Variants in TAF1A observed in about 807,000 individuals in gnomAD.
The protein encoded by TAF1A is TATA box-binding protein-associated factor RNA polymerase I subunit A.
TAF1A carries 42 observed loss-of-function variants against 61.6 expected under a neutral mutation model. The ratio of observed to expected loss-of-function variants is 0.68; its 90% CI spans 0.53 to 0.88. The LOEUF (loss-of-function observed/expected upper bound fraction) is 0.88, where lower values mean the gene tolerates loss of function less well. Ranked by LOEUF, TAF1A falls within the 40% of genes least tolerant of loss-of-function variation. The pLI, the probability that TAF1A is intolerant of heterozygous loss-of-function variation, is 0.00. For missense variants in TAF1A, 424 were observed against 518.7 expected (o/e 0.82, Z 1.77); for synonymous variants, 179 against 177.7 (o/e 1.01, Z -0.06).
At chr1:222,579,306 C>T (rs1486578258) in intron 4 of TAF1A, among the ~76,000 whole-genome samples, 1 of 152,164 alleles carries the variant, frequency 6.6e-6, no homozygotes, top group Non-Finnish European at 1.5e-5. Flanking sequence ...ATGTCTCAAT[C>T]TTTTTGGATA....
intron 5 of TAF1A, among the ~76,000 whole-genome samples, chr1:222,571,729 A>G (rs528999179): frequency 6.6e-6 from 1 of 152,298 alleles, no homozygotes; most frequent in East Asian, 1.9e-4. Context: ...TTTAAGACCT[A>G]AATGAATGAA....
In TAF1A at chr1:222,569,577, T is replaced by A. The variant is rs764880368; in HGVS notation, c.827A>T (p.His276Leu). Reference protein sequence around the residue: ...DEKFPSNPNAHIYLYNFLKRQ... With the variant: ...DEKFPSNPNALIYLYNFLKRQ... ...CTTTAGAAAGTTGTATAAGTAGATATGGGCATTTGGATTTGATGGAAACTT... is the reference window on the plus strand; with the variant it reads ...CTTTAGAAAGTTGTATAAGTAGATAAGGGCATTTGGATTTGATGGAAACTT... The change falls in exon 7 of 11, where the codon CAT becomes CTT. Residue 276 changes from histidine (H) to leucine (L), a missense_variant. His to Leu is a moderately conservative substitution (Grantham distance 99, BLOSUM62 -3). Transcript: ENST00000352967. The A allele has an allele frequency of 2.5e-6, 4 of 1,614,002 alleles. No individual in the cohort carries two copies. Among genetic ancestry groups the A allele is most frequent in the Non-Finnish European group, 3.4e-6 (4 of 1,179,982 alleles).
rs1451868411 is a variant in TAF1A at position 222,584,287 on chromosome 1, C to T, written c.132G>A (p.Gly44=). ...QTYVETVAIG[G]KRRKDFAQTT... The stretch of plus-strand genomic sequence containing the variant: ...TCTGAGCAAAATCCTTCCTCCTTTT[C>T]CCTCCAATGGCTATAAAAACGAAAA... Residue 44 remains glycine (G), a synonymous_variant, in exon 3 of 11, where the codon GGG becomes GGA. Transcript: ENST00000352967. 1 of 1,599,622 alleles carries T rather than the reference C, an allele frequency of 6.3e-7. No individual in the cohort carries two copies. Among genetic ancestry groups the T allele is most frequent in the Non-Finnish European group, 8.5e-7 (1 of 1,175,758 alleles).
chr1:222,557,868 AAG>A (rs1204971008), downstream of TAF1A: 8 of 149,692 alleles, frequency 5.3e-5, no homozygotes, highest in African/African-American at 1.7e-4. Context: ...TTTATACTGA[AAG>A]AGTCTTTTTG....
At chr1:222,557,227 A>G (rs529073187), downstream of TAF1A, among the ~76,000 whole-genome samples, 7 of 152,304 alleles carry the variant, frequency 4.6e-5, no homozygotes, top group South Asian at 1.4e-3. Context: ...CCAGCAGTAA[A>G]TGTAAAAGCC....
intron 8 of TAF1A, 124 bp downstream of exon 8, chr1:222,563,935 C>A: frequency 1.5e-6 from 1 of 648,080 alleles, no homozygotes; most frequent in Non-Finnish European, 2.8e-6. Flanking sequence ...AACAGATGGA[C>A]TCCAACAGAA....
chr1:222,558,811 C>A, intron 10 of TAF1A, 39 bp from the exon 11 acceptor site: 2 of 1,005,594 alleles, frequency 2.0e-6, no homozygotes, highest in Non-Finnish European at 2.9e-6. Flanking sequence ...TAATACTCAT[C>A]ACATTTTTCA....
intron 5 of TAF1A, among the ~76,000 whole-genome samples, chr1:222,573,943 T>C (rs1211971895): frequency 6.6e-6 from 1 of 151,374 alleles, no homozygotes; most frequent in African/African-American, 2.4e-5. Flanking sequence ...TTACATGCTA[T>C]AACATTAAAA....
chr1:222,561,303 A>C lies in TAF1A; in HGVS notation c.1240+61T>G, dbSNP rs989435949. On this transcript the variant is annotated intron_variant, in intron 10 of 10. Coordinates refer to ENST00000352967, the MANE Select transcript of TAF1A (RefSeq NM_005681.4). ...TAGGTAAGCTCTAAATGAAGGCCAT[A>C]CTTCATAATTTCAAAATCAGCCAAA... The C allele has an allele frequency of 4.6e-6, 7 of 1,518,548 alleles. 1 individual carries two copies. The Middle Eastern group carries it at 5.3e-4, about 115-fold the overall frequency. 94.1% of individuals were successfully genotyped at this position (1,518,548 alleles called of 1,614,324 possible).
At chr1:222,573,754 C>T (rs950918719) in intron 5 of TAF1A, among the ~76,000 whole-genome samples, 2 of 151,974 alleles carry the variant, frequency 1.3e-5, no homozygotes, top group African/African-American at 4.8e-5. Flanking sequence ...TAGGTATATA[C>T]CCAAGAGAAA....
At position 222,589,810 on chromosome 1, in the gene TAF1A, G is replaced by A. The variant is rs1447953145; in HGVS notation, c.-86C>T. 3 of 364,554 alleles carry A rather than the reference G, an allele frequency of 8.2e-6. No homozygotes were observed. The highest frequency in any genetic ancestry group is 1.5e-5 in the Non-Finnish European group (3 of 204,650). 22.6% of individuals were successfully genotyped at this position (364,554 alleles called of 1,614,324 possible). A position where few individuals can be genotyped will look rare whatever the true frequency, so the allele number is the denominator to read the frequency against. On this transcript the variant is annotated 5_prime_UTR_variant, in exon 1 of 11. Transcript: ENST00000352967. ...TGAAGAAATTCCCACCGGAAGACGA[G>A]TTAGGAGAGCTTTATATGAGCAGGC...
In TAF1A at chr1:222,588,550, C is replaced by T. The variant is rs1265442621; in HGVS notation, c.14G>A (p.Ser5Asn). The T allele has an allele frequency of 1.2e-6, 2 of 1,613,974 alleles. No homozygotes were observed. Among genetic ancestry groups the T allele is most frequent in the Non-Finnish European group, 1.7e-6 (2 of 1,179,942 alleles). ...TGTCACAGGCCCTTTTAATTCTTCACTGAAATCACTCATACCTATTACAAG... is the reference window on the plus strand; with the variant it reads ...TGTCACAGGCCCTTTTAATTCTTCATTGAAATCACTCATACCTATTACAAG... MSDF[S>N]EELKGPVTDD... Residue 5 changes from serine to asparagine, a missense_variant, in exon 2 of 11, where the codon AGT becomes AAT. Coordinates refer to ENST00000352967, the MANE Select transcript of TAF1A (RefSeq NM_005681.4).
chr1:222,577,093 C>G (rs1226773639), intron 5 of TAF1A, among the ~76,000 whole-genome samples: 1 of 151,672 alleles, frequency 6.6e-6, no homozygotes, highest in African/African-American at 2.4e-5. Context: ...CTTTACAACC[C>G]CAAGTCACCT....
rs1044951148 is a variant in TAF1A, at chr1:222,589,846, G to A, written c.-122C>T. ...TTTATATGAGCAGGCGCTAAACCTG[G>A]TTTAGGTATTTAGGCAGCGCGCGGC... On this transcript the variant is annotated 5_prime_UTR_variant, in exon 1 of 11. Coordinates refer to ENST00000352967, the MANE Select transcript of TAF1A (RefSeq NM_005681.4). 2.6e-6 allele frequency: 1 copy of A among 390,002 alleles called. No homozygotes were observed. The highest frequency in any genetic ancestry group is 4.5e-6 in the Non-Finnish European group (1 of 221,138). 24.2% of individuals were successfully genotyped at this position (390,002 alleles called of 1,614,324 possible).
intron 7 of TAF1A, among the ~76,000 whole-genome samples, chr1:222,564,873 A>C (rs1417051012): frequency 6.6e-6 from 1 of 152,244 alleles, no homozygotes. Flanking sequence ...TAAAAAGATC[A>C]ATCAAGATCA....
intron 5 of TAF1A, among the ~76,000 whole-genome samples, chr1:222,576,458 T>A (rs1032406316): frequency 2.6e-5 from 4 of 152,218 alleles, no homozygotes; most frequent in African/African-American, 9.6e-5. Flanking sequence ...AGAAAGGGGT[T>A]AATCATAGAG....
chr1:222,572,581 C>T (rs1404777913), intron 5 of TAF1A, among the ~76,000 whole-genome samples: 2 of 152,150 alleles, frequency 1.3e-5, no homozygotes, highest in Admixed American at 1.3e-4. Flanking sequence ...TGGTTTCGAA[C>T]TCCTGAGGGC....
intron 2 of TAF1A, among the ~76,000 whole-genome samples, chr1:222,585,304 A>G (rs1443057317): frequency 6.6e-6 from 1 of 152,172 alleles, no homozygotes; most frequent in Admixed American, 6.6e-5. Context: ...ATTCACTGCC[A>G]TCTACTTACT....
intron 2 of TAF1A, among the ~76,000 whole-genome samples, chr1:222,587,104 G>A (rs141799328): frequency 6.0e-4 from 91 of 152,224 alleles, no homozygotes; most frequent in East Asian, 3.5e-3. Context: ...CCAGGGATGC[G>A]GTAGCACTAC....
Sources: allele counts gnomAD v4.1 joint callset (sites outside exome capture counted in the v4.1 genomes callset), GRCh38; gene constraint gnomAD v4.1.1; transcripts MANE v1.5; gene names NCBI Gene and HGNC (gene_info 2026-07-23, HGNC 2026-07-21).